Variants in TACC2 observed in about 807,000 individuals in gnomAD.
The protein encoded by TACC2 is transforming acidic coiled-coil-containing protein 2.
TACC2 carries 137 observed loss-of-function variants against 227.3 expected under a neutral mutation model. The observed-to-expected ratio is 0.60, with a 90% CI of 0.52 to 0.69. TACC2 has a LOEUF of 0.69. Among genes scored for constraint, TACC2 ranks in the 30% least tolerant of loss-of-function variants. The pLI is 0.00. For synonymous variants in TACC2, 1,523 were observed against 1,487.5 expected, an observed-to-expected ratio of 1.02 and a Z score of -0.55; for missense variants, 3,470 against 3,694.4, an observed-to-expected ratio of 0.94 and a Z score of 1.57.
chr10:122,061,014 AAAAAAGGGGG>A lies in TACC2; in HGVS notation c.146+10465_146+10474del, dbSNP rs775370844. Among the ~76,000 whole-genome samples, 464 of 46,994 alleles carry A rather than the reference AAAAAAGGGGG, an allele frequency of 9.9e-3. 1 individual carries two copies. The highest frequency in any genetic ancestry group is 0.02 in the Middle Eastern group (2 of 102). 30.8% of individuals were successfully genotyped at this position (46,994 alleles called of 152,430 possible). The stretch of plus-strand genomic sequence containing the variant: ...AGACTCCATCTCAAAAAAAAAAAAA[AAAAAAGGGGG>A]GGGGGCCAGGCACGGTGGCTCACAC... On this transcript the variant is annotated intron_variant, in intron 3 of 22. Coordinates refer to ENST00000369005, the MANE Select transcript of TACC2 (RefSeq NM_206862.4).
At chr10:122,252,501 T>G (rs1232645028) in intron 22 of TACC2, among the ~76,000 whole-genome samples, 1 of 151,794 alleles carries the variant, frequency 6.6e-6, no homozygotes, top group Non-Finnish European at 1.5e-5. Context: ...TCTTTCTTTT[T>G]TTTTTTTGAG....
At chr10:122,179,851 G>A (rs559908060) in intron 7 of TACC2, among the ~76,000 whole-genome samples, 6 of 151,956 alleles carry the variant, frequency 3.9e-5, no homozygotes, top group African/African-American at 7.2e-5. Context: ...AGGCTGAGGC[G>A]ACAGGATCAC....
At chr10:122,028,622 T>G (rs1242087174) in intron 2 of TACC2, among the ~76,000 whole-genome samples, 1 of 152,142 alleles carries the variant, frequency 6.6e-6, no homozygotes. Context: ...TGTTTGTTTT[T>G]GTAGATTTCT....
rs1374096374 is a variant in TACC2 at position 122,087,013 on chromosome 10, T to C, written c.4513T>C (p.Trp1505Arg). The change falls in exon 4 of 23, where the codon TGG becomes CGG. Residue 1505 changes from tryptophan (W) to arginine (R), a missense_variant. Coordinates refer to ENST00000369005, the MANE Select transcript of TACC2 (RefSeq NM_206862.4). ...GCTTCTGGGTCCAGCAGGGCTGACC[T>C]GGGAGCGGAACTTGCCAGGTGCCGG... is the stretch of plus-strand genomic sequence containing the variant. ...DKLLGPAGLT[W>R]ERNLPGAGVG... The C allele has an allele frequency of 6.2e-7, 1 of 1,613,896 alleles. No homozygotes were observed. The highest frequency in any genetic ancestry group is 2.2e-5 in the East Asian group (1 of 44,858).
At chr10:122,040,105 G>A (rs72839673) in intron 2 of TACC2, among the ~76,000 whole-genome samples, 8,093 of 152,162 alleles carry the variant, frequency 0.053, 281 homozygotes, top group Admixed American at 0.11. Context: ...AAGCAGCCTC[G>A]GTTACTAAAG....
In TACC2 at chr10:122,141,519, C is replaced by G. The variant is rs368393216; in HGVS notation, c.5700-2053C>G. 6.6e-6 allele frequency among the ~76,000 whole-genome samples: 1 copy of G among 151,958 alleles called. No homozygotes were observed. The highest frequency in any genetic ancestry group is 6.6e-5 in the Admixed American group (1 of 15,252). Reference sequence around the variant, plus strand: ...AGCAGCTGTGGGTGTTAAGGGCAGGCGGGGGAGCTTGGTGAGTGAGCCTTG... The same window carrying G: ...AGCAGCTGTGGGTGTTAAGGGCAGGGGGGGGAGCTTGGTGAGTGAGCCTTG... On this transcript the variant is annotated intron_variant, in intron 6 of 22. Coordinates refer to ENST00000369005, the MANE Select transcript of TACC2 (RefSeq NM_206862.4). The surrounding 1 kb of genome is among the most constrained non-coding windows in gnomAD (Gnocchi z 4.3).
intron 19 of TACC2, among the ~76,000 whole-genome samples, chr10:122,242,843 A>G (rs2096029983): frequency 6.6e-6 from 1 of 152,168 alleles, no homozygotes; most frequent in East Asian, 1.9e-4. Context: ...TACGTTGCCC[A>G]GGCTGGTCTC....
intron 5 of TACC2, among the ~76,000 whole-genome samples, chr10:122,131,881 G>C (rs954423429): frequency 6.6e-6 from 1 of 152,052 alleles, no homozygotes; most frequent in Non-Finnish European, 1.5e-5. Flanking sequence ...AATTAGCCAG[G>C]CGTGGTGGTG....
Position 122,132,802 on chromosome 10 carries a change from C to G in TACC2, c.5699+68C>G. The G allele has an allele frequency of 2.0e-6, 3 of 1,535,968 alleles. No homozygotes were observed. The African/African-American group carries it at 4.1e-5, about 21-fold the overall frequency. ...CAATCCTTGAGGCTGCCTTCCCCCG[C>G]TCCCCTCCCTTCCCCTCCCCTCCTC... On this transcript the variant is annotated intron_variant, in intron 6 of 22. Transcript: ENST00000369005.
At chr10:122,076,051 C>T (rs1317592294) in intron 3 of TACC2, among the ~76,000 whole-genome samples, 4 of 152,138 alleles carry the variant, frequency 2.6e-5, no homozygotes, top group Admixed American at 6.5e-5. Context: ...CCGCCCACCT[C>T]GGCCTCCCAA....
At chr10:122,044,860 TGAA>T (rs2074790875) in intron 2 of TACC2, among the ~76,000 whole-genome samples, 1 of 152,084 alleles carries the variant, frequency 6.6e-6, no homozygotes, top group South Asian at 2.1e-4. Flanking sequence ...GGGAAAGATT[TGAA>T]GAAGCAACTG....
At chr10:121,994,388 G>A (rs541697185) in intron 1 of TACC2, among the ~76,000 whole-genome samples, 31 of 152,248 alleles carry the variant, frequency 2.0e-4, no homozygotes, top group African/African-American at 6.7e-4. Context: ...CACTGGCTTC[G>A]GATCCCAAAT....
chr10:122,055,605 G>A (rs2076145609), intron 3 of TACC2, among the ~76,000 whole-genome samples: 1 of 152,168 alleles, frequency 6.6e-6, no homozygotes, highest in African/African-American at 2.4e-5. Flanking sequence ...GATAACTAAT[G>A]GGTACTAGGC....
chr10:122,152,246 A>G (rs1473941426), intron 7 of TACC2, among the ~76,000 whole-genome samples: 1 of 152,220 alleles, frequency 6.6e-6, no homozygotes, highest in Non-Finnish European at 1.5e-5. Context: ...AGAAAGAATT[A>G]CAGGGTCCTG....
chr10:122,058,086 T>G (rs2076389434), intron 3 of TACC2, among the ~76,000 whole-genome samples: 1 of 152,248 alleles, frequency 6.6e-6, no homozygotes, highest in African/African-American at 2.4e-5. Flanking sequence ...TTCAGCACCC[T>G]GAGTGCCTTC....
At chr10:122,225,775 A>G (rs896571640) in intron 12 of TACC2, among the ~76,000 whole-genome samples, 7 of 152,152 alleles carry the variant, frequency 4.6e-5, no homozygotes, top group Non-Finnish European at 1.5e-5. Flanking sequence ...CCTGCTCAGG[A>G]ACAGCAGAGC....
At chr10:122,249,412 T>G in intron 21 of TACC2, 132 bp from the exon 22 acceptor site, 2 of 1,291,952 alleles carry the variant, frequency 1.5e-6, no homozygotes, top group Non-Finnish European at 1.1e-6. Flanking sequence ...TCTCATGGGC[T>G]CCTGTGCTCC....
intron 5 of TACC2, among the ~76,000 whole-genome samples, chr10:122,098,884 C>T (rs1415704547): frequency 2.0e-5 from 3 of 152,156 alleles, no homozygotes; most frequent in East Asian, 3.9e-4. Flanking sequence ...GGTGGCTCTC[C>T]GTGTTGCAAT....
intron 9 of TACC2, chr10:122,213,361 T>A (rs750900794): frequency 6.2e-7 from 1 of 1,612,326 alleles, no homozygotes; most frequent in Non-Finnish European, 8.5e-7. Context: ...AGATGTGATG[T>A]CTGTGTGTTC....
Sources: gnomAD v4.1 joint callset for allele counts (sites outside exome capture counted in the v4.1 genomes callset) on GRCh38, gnomAD v4.1.1 for gene constraint, Gnocchi (gnomAD v3.1) non-coding constraint, MANE v1.5 for transcripts, NCBI Gene and HGNC (gene_info 2026-07-23, HGNC 2026-07-21) for gene names.